The following RABEP1 variants were observed in gnomAD, a reference collection of about 807,000 sequenced individuals.
RABEP1 encodes rabaptin, RAB GTPase binding effector protein 1.
A neutral mutation model predicts 123.4 loss-of-function variants in RABEP1; 51 were observed. That is an observed-to-expected ratio of 0.41 (90% CI 0.33 to 0.52). RABEP1 has a LOEUF of 0.52. Ranked by LOEUF, RABEP1 falls within the 20% of genes least tolerant of loss-of-function variation. RABEP1 has a pLI of 0.16. For synonymous variants in RABEP1, 347 were observed against 355.2 expected (o/e 0.98, Z 0.26); for missense variants, 888 against 996.3 (o/e 0.89, Z 1.46).
At chr17:5,338,163 G>T in intron 5 of RABEP1, 25 bp downstream of exon 5, 1 of 1,594,442 alleles carries the variant, frequency 6.3e-7, no homozygotes, top group Non-Finnish European at 8.5e-7. Context: ...TAATCCATTT[G>T]CTTGAAACCC....
chr17:5,302,012 A>G (rs2075139067), intron 1 of RABEP1, among the ~76,000 whole-genome samples: 1 of 152,046 alleles, frequency 6.6e-6, no homozygotes, highest in Admixed American at 6.6e-5. Flanking sequence ...ATTAGACTCT[A>G]TGCTGGTTTT....
At chr17:5,372,661 A>G (rs970177983) in intron 12 of RABEP1, among the ~76,000 whole-genome samples, 3 of 152,198 alleles carry the variant, frequency 2.0e-5, no homozygotes, top group Non-Finnish European at 4.4e-5. Context: ...CTTAGAGTAC[A>G]TGCTCTGTCT....
chr17:5,313,243 ACC>A (rs2075262588), intron 2 of RABEP1, among the ~76,000 whole-genome samples: 1 of 152,176 alleles, frequency 6.6e-6, no homozygotes, highest in African/African-American at 2.4e-5. Context: ...TGTCAAGATG[ACC>A]TGTAATACAT....
chr17:5,299,470 T>C (rs767980736), intron 1 of RABEP1, among the ~76,000 whole-genome samples: 1 of 151,904 alleles, frequency 6.6e-6, no homozygotes, highest in Non-Finnish European at 1.5e-5. Context: ...TAATCTTTTA[T>C]TGAGGACTTA....
chr17:5,325,946 A>T (rs1905931554), intron 2 of RABEP1, among the ~76,000 whole-genome samples: 1 of 152,226 alleles, frequency 6.6e-6, no homozygotes, highest in Non-Finnish European at 1.5e-5. Context: ...AGTATATGAA[A>T]AGATTATTAG....
At chr17:5,291,374 T>TTGGCTG in intron 1 of RABEP1, among the ~76,000 whole-genome samples, 1 of 152,160 alleles carries the variant, frequency 6.6e-6, no homozygotes, top group Non-Finnish European at 1.5e-5. Context: ...ATCGTGCCAT[T>TTGGCTG]GCACTCCAGC....
intron 1 of RABEP1, among the ~76,000 whole-genome samples, chr17:5,301,828 T>G (rs2075137669): frequency 6.6e-6 from 1 of 152,004 alleles, no homozygotes. Context: ...AGCTTCAGGT[T>G]GTAAGAGGAG....
intron 15 of RABEP1, among the ~76,000 whole-genome samples, chr17:5,379,734 C>G (rs1426538574): frequency 6.6e-6 from 1 of 152,226 alleles, no homozygotes; most frequent in African/African-American, 2.4e-5. Flanking sequence ...CCTAAATCAT[C>G]TCCATATTGA....
chr17:5,343,663 CTT>C (rs1907810071), intron 5 of RABEP1, among the ~76,000 whole-genome samples: 1 of 124,062 alleles, frequency 8.1e-6, no homozygotes, highest in South Asian at 2.7e-4. Flanking sequence ...TTCTTTCTTT[CTT>C]TTCTCTTTTT....
chr17:5,362,972 C>T lies in RABEP1; in HGVS notation c.1624C>T (p.Gln542Ter). 2 of 1,613,894 alleles carry T rather than the reference C, an allele frequency of 1.2e-6. No individual in the cohort carries two copies. Among genetic ancestry groups the T allele is most frequent in the Non-Finnish European group, 1.7e-6 (2 of 1,179,820 alleles). ...TGATATGTGTTCCAATTACGAAAAA[C>T]AGTTACAAGGAATTCAGATTCAGGA... ...RCDMCSNYEKQLQGIQIQEAE... is the reference protein window; with the variant it reads ...RCDMCSNYEK The change falls in exon 10 of 18, where the codon CAG becomes TAG. Residue 542 changes from glutamine to a stop codon, truncating the protein, a stop_gained. Transcript: ENST00000537505. LOFTEE classifies it high-confidence loss of function.
intron 1 of RABEP1, among the ~76,000 whole-genome samples, chr17:5,295,468 C>T (rs1023050867): frequency 2.0e-5 from 3 of 150,584 alleles, no homozygotes; most frequent in African/African-American, 7.3e-5. Context: ...GTTTAATTAA[C>T]CCTCTTAGTA....
At chr17:5,298,711 A>G (rs1266807018) in intron 1 of RABEP1, among the ~76,000 whole-genome samples, 1 of 144,118 alleles carries the variant, frequency 6.9e-6, no homozygotes, top group African/African-American at 2.6e-5. Flanking sequence ...GCTGGAGTGC[A>G]GTAGCGAGAT....
intron 2 of RABEP1, among the ~76,000 whole-genome samples, chr17:5,319,481 C>T (rs1414178399): frequency 1.3e-5 from 2 of 151,864 alleles, no homozygotes; most frequent in African/African-American, 4.8e-5. Context: ...ATTTTCCTGC[C>T]TCAGTCTCCC....
In RABEP1 at chr17:5,354,410, G is replaced by C; in HGVS notation, c.1015G>C (p.Asp339His). ...TAAGAGAAAGGATCACAAAAAAGCA[G>C]ATGTTGAGGAAGAAATAAAAATACC... ...LNKRKDHKKA[D>H]VEEEIKIPVV... Residue 339 changes from aspartate to histidine, a missense_variant, in exon 8 of 18, where the codon GAT becomes CAT. Physicochemically the swap from Asp to His is moderately conservative, Grantham distance 81 (BLOSUM62 -1). Coordinates refer to ENST00000537505, the MANE Select transcript of RABEP1 (RefSeq NM_004703.6). The C allele has an allele frequency of 6.2e-7, 1 of 1,613,118 alleles. No individual in the cohort carries two copies. The highest frequency in any genetic ancestry group is 8.5e-7 in the Non-Finnish European group (1 of 1,179,444).
Position 5,385,351 on chromosome 17 carries a change from A to C in RABEP1, c.*2128A>C, listed in dbSNP as rs1911862467. On this transcript the variant is annotated 3_prime_UTR_variant, in exon 18 of 18. Transcript: ENST00000537505. ...GGGTTTCACGAGTGTTCCTGTGCTT[A>C]TATTCAGTCTGTGCCTACATGTTCT... The C allele has an allele frequency of 4.3e-6, 1 of 230,888 alleles. No individual in the cohort carries two copies. The highest frequency in any genetic ancestry group is 8.6e-6 in the Non-Finnish European group (1 of 116,598). 14.3% of individuals were successfully genotyped at this position (230,888 alleles called of 1,614,324 possible).
intron 1 of RABEP1, among the ~76,000 whole-genome samples, chr17:5,285,330 C>G (rs1212724925): frequency 6.9e-6 from 1 of 145,942 alleles, no homozygotes; most frequent in Non-Finnish European, 1.5e-5. Flanking sequence ...GAGAGGGTCT[C>G]ATTGTGTTGC....
Position 5,309,904 on chromosome 17 carries a change from C to T in RABEP1, c.163+1082C>T, listed in dbSNP as rs2075219460. 1.3e-5 allele frequency among the ~76,000 whole-genome samples: 2 copies of T among 152,190 alleles called. 1 individual carries two copies. The highest frequency in any genetic ancestry group is 4.1e-4 in the South Asian group (2 of 4,834). ...AATGTTTGGGTCCCACCCAGATTTACTGAGTTAGAAACTGTGGGATTTGGG... is the reference window on the plus strand; with the variant it reads ...AATGTTTGGGTCCCACCCAGATTTATTGAGTTAGAAACTGTGGGATTTGGG... On this transcript the variant is annotated intron_variant, in intron 2 of 17. Coordinates refer to ENST00000537505, the MANE Select transcript of RABEP1 (RefSeq NM_004703.6).
chr17:5,340,219 T>C (rs1907470045), intron 5 of RABEP1, among the ~76,000 whole-genome samples: 1 of 152,224 alleles, frequency 6.6e-6, no homozygotes, highest in African/African-American at 2.4e-5. Context: ...CATACAGTAC[T>C]AGAACATAAT....
At chr17:5,306,213 AACAG>A (rs199819792) in intron 1 of RABEP1, among the ~76,000 whole-genome samples, 4,420 of 152,296 alleles carry the variant, frequency 0.029, 71 homozygotes, top group Middle Eastern at 0.065. Context: ...AAAATCTTCT[AACAG>A]AAAGCCTATT....
Sources: gnomAD v4.1 joint callset for allele counts (sites outside exome capture counted in the v4.1 genomes callset) on GRCh38, gnomAD v4.1.1 for gene constraint, MANE v1.5 for transcripts, NCBI Gene and HGNC (gene_info 2026-07-23, HGNC 2026-07-21) for gene names.